ACBD6: variants seen among roughly 807,000 people sequenced by gnomAD.
ACBD6 encodes the protein acyl-CoA binding domain containing 6.
ACBD6 carries 28 observed loss-of-function variants against 37.2 expected under a neutral mutation model. The observed-to-expected ratio is 0.75, with a 90% confidence interval of 0.56 to 1.03. The LOEUF (loss-of-function observed/expected upper bound fraction) is 1.03, where lower values mean the gene tolerates loss of function less well. Among genes scored for constraint, ACBD6 ranks in the 50% least tolerant of loss-of-function variants. ACBD6 has a pLI of 0.00. For missense variants in ACBD6, 340 were observed against 337.4 expected (o/e 1.01, Z -0.06); for synonymous variants, 113 against 126.8 (o/e 0.89, Z 0.73).
chr1:180,397,037 GA>G (rs1654285143), intron 6 of ACBD6, among the ~76,000 whole-genome samples: 1 of 152,140 alleles, frequency 6.6e-6, no homozygotes, highest in Non-Finnish European at 1.5e-5. Flanking sequence ...CCAAAAGACA[GA>G]AACAACTCAA....
chr1:180,457,740 C>G (rs919913381), intron 3 of ACBD6, among the ~76,000 whole-genome samples: 3 of 149,904 alleles, frequency 2.0e-5, no homozygotes, highest in African/African-American at 7.3e-5. Context: ...TAGGCATACA[C>G]AAACACTAAA....
chr1:180,471,735 G>A (rs1450598760), intron 3 of ACBD6, among the ~76,000 whole-genome samples: 1 of 152,114 alleles, frequency 6.6e-6, no homozygotes, highest in Non-Finnish European at 1.5e-5. Context: ...CAACACATGG[G>A]AATTCTGGGA....
At chr1:180,326,587 T>C (rs1413755947) in intron 6 of ACBD6, 1 of 152,228 alleles carries the variant, frequency 6.6e-6, no homozygotes, top group African/African-American at 2.4e-5. Flanking sequence ...AAAGTCCCCT[T>C]TACTTTTCCC....
At chr1:180,446,319 G>A (rs368615440) in intron 3 of ACBD6, among the ~76,000 whole-genome samples, 9 of 151,976 alleles carry the variant, frequency 5.9e-5, no homozygotes, top group African/African-American at 2.2e-4. Context: ...AGCCTTAAGT[G>A]TACTTTTAAA....
intron 7 of ACBD6, among the ~76,000 whole-genome samples, chr1:180,296,915 A>G (rs899841918): frequency 3.3e-5 from 5 of 152,010 alleles, no homozygotes; most frequent in African/African-American, 1.2e-4. Flanking sequence ...TCACAAGGTC[A>G]GGAGATCGAA....
chr1:180,308,086 T>C (rs1339073011), intron 7 of ACBD6, among the ~76,000 whole-genome samples: 1 of 152,244 alleles, frequency 6.6e-6, no homozygotes, highest in Non-Finnish European at 1.5e-5. Context: ...TTCACCAAAT[T>C]TTTTTTAACT....
At chr1:180,430,342 T>G (rs1648764640) in intron 3 of ACBD6, 80 bp from the exon 4 acceptor site, 1 of 1,235,894 alleles carries the variant, frequency 8.1e-7, no homozygotes, top group Non-Finnish European at 1.2e-6. Context: ...CAAAATGTTA[T>G]TTTGCTAAGA....
chr1:180,428,914 A>T (rs1648704736), intron 4 of ACBD6, among the ~76,000 whole-genome samples: 2 of 152,168 alleles, frequency 1.3e-5, no homozygotes, highest in South Asian at 4.1e-4. Flanking sequence ...GAACCAAACC[A>T]GCAGCTCTCT....
chr1:180,499,459 T>C (rs1311646535), intron 1 of ACBD6, among the ~76,000 whole-genome samples: 1 of 152,216 alleles, frequency 6.6e-6, no homozygotes, highest in Non-Finnish European at 1.5e-5. Context: ...CCCTCCTTCA[T>C]ATTATCTGGA....
At chr1:180,401,215 A>G (rs1647344934) in intron 5 of ACBD6, among the ~76,000 whole-genome samples, 1 of 152,196 alleles carries the variant, frequency 6.6e-6, no homozygotes. Flanking sequence ...ACTCAAATAC[A>G]GTAAGATGCA....
At chr1:180,328,536 C>T (rs572619361) in intron 6 of ACBD6, among the ~76,000 whole-genome samples, 68 of 151,878 alleles carry the variant, frequency 4.5e-4, no homozygotes, top group Admixed American at 7.2e-4. Flanking sequence ...CATAGAGGGG[C>T]TAGATTTTCC....
chr1:180,290,682 A>G (rs987242918), intron 7 of ACBD6, among the ~76,000 whole-genome samples: 2 of 152,230 alleles, frequency 1.3e-5, no homozygotes, highest in African/African-American at 4.8e-5. Flanking sequence ...AATTGGTAGT[A>G]AGATGTAAGA....
intron 3 of ACBD6, among the ~76,000 whole-genome samples, chr1:180,476,601 G>A (rs528650854): frequency 1.6e-4 from 25 of 152,258 alleles, no homozygotes; most frequent in African/African-American, 6.0e-4. Context: ...CAAGGCAGGC[G>A]GATCACCTGA....
At chr1:180,423,093 G>T (rs1489260154) in intron 4 of ACBD6, among the ~76,000 whole-genome samples, 1 of 152,008 alleles carries the variant, frequency 6.6e-6, no homozygotes, top group African/African-American at 2.4e-5. Flanking sequence ...ATGAAAAAAT[G>T]GACTAGTATC....
chr1:180,350,657 A>C (rs1001700864), intron 6 of ACBD6, among the ~76,000 whole-genome samples: 5 of 152,114 alleles, frequency 3.3e-5, no homozygotes, highest in Non-Finnish European at 5.9e-5. Flanking sequence ...TGTTTCTGCT[A>C]CCTATCCCTT....
At chr1:180,391,539 G>A (rs1449633329) in intron 6 of ACBD6, among the ~76,000 whole-genome samples, 13 of 151,936 alleles carry the variant, frequency 8.6e-5, no homozygotes, top group Admixed American at 7.9e-4. Context: ...TGACCAATGA[G>A]TACATGAAAA....
At chr1:180,341,211 T>C (rs976510505) in intron 6 of ACBD6, among the ~76,000 whole-genome samples, 24 of 152,100 alleles carry the variant, frequency 1.6e-4, no homozygotes, top group African/African-American at 5.6e-4. Flanking sequence ...TATTGCAAAA[T>C]AGAAACAACC....
chr1:180,290,348 T>C (rs1006691760), intron 7 of ACBD6, among the ~76,000 whole-genome samples: 1 of 152,146 alleles, frequency 6.6e-6, no homozygotes. Context: ...TGTGCTACCA[T>C]GCTTGGCTCT....
intron 3 of ACBD6, chr1:180,435,137 A>G: frequency 1.4e-6 from 1 of 723,278 alleles, no homozygotes; most frequent in African/African-American, 1.7e-5. Context: ...AAATCAAGAC[A>G]GGGTACAAGC....
Sources: gnomAD v4.1 joint callset for allele counts (sites outside exome capture counted in the v4.1 genomes callset) on GRCh38, gnomAD v4.1.1 for gene constraint, MANE v1.5 for transcripts, NCBI Gene and HGNC (gene_info 2026-07-23, HGNC 2026-07-21) for gene names.